SRGAP3: variants seen among roughly 807,000 people sequenced by gnomAD.
SRGAP3 encodes the protein SLIT-ROBO Rho GTPase activating protein 3.
SRGAP3 carries 39 observed loss-of-function variants against 121.1 expected under a neutral mutation model. The ratio of observed to expected loss-of-function variants is 0.32; its 90% CI spans 0.25 to 0.42. The LOEUF (loss-of-function observed/expected upper bound fraction) is 0.42. Ranked by LOEUF, SRGAP3 falls within the 10% of genes least tolerant of loss-of-function variation. The probability of loss-of-function intolerance (pLI) is 1.00; values close to 1 mark genes in which losing one functional copy is unlikely to be tolerated. For synonymous variants in SRGAP3, 601 were observed against 570.0 expected (o/e 1.05, Z -0.77); for missense variants, 1,213 against 1,470.6 (o/e 0.82, Z 2.86).
intron 3 of SRGAP3, among the ~76,000 whole-genome samples, chr3:9,277,192 C>T (rs2125263459): frequency 6.6e-6 from 1 of 152,308 alleles, no homozygotes; most frequent in Non-Finnish European, 1.5e-5. Flanking sequence ...TCATTTAATG[C>T]TCACAAAAAC....
intron 1 of SRGAP3, among the ~76,000 whole-genome samples, chr3:9,211,555 T>C (rs1334665791): frequency 6.6e-6 from 1 of 152,100 alleles, no homozygotes; most frequent in East Asian, 1.9e-4. Context: ...TCTGATAAAA[T>C]AATCTGATTA....
intron 3 of SRGAP3, among the ~76,000 whole-genome samples, chr3:9,086,573 GTA>G (rs1947486177): frequency 6.8e-6 from 1 of 147,884 alleles, no homozygotes; most frequent in South Asian, 2.1e-4. Context: ...ATGTGGGTGT[GTA>G]TATGTGTGTG....
intron 1 of SRGAP3, among the ~76,000 whole-genome samples, chr3:9,229,184 G>T (rs1226060752): frequency 1.3e-5 from 2 of 152,054 alleles, no homozygotes; most frequent in Non-Finnish European, 2.9e-5. Context: ...GGACTAGCTA[G>T]GTTCTACGAT....
chr3:9,344,610 G>A (rs1955851525), intron 1 of SRGAP3, among the ~76,000 whole-genome samples: 1 of 151,340 alleles, frequency 6.6e-6, no homozygotes, highest in Non-Finnish European at 1.5e-5. Context: ...TCCAGCCTAG[G>A]TGACAAAGTC....
At chr3:9,210,343 C>T (rs1952407280) in intron 1 of SRGAP3, among the ~76,000 whole-genome samples, 1 of 152,144 alleles carries the variant, frequency 6.6e-6, no homozygotes, top group Non-Finnish European at 1.5e-5. Flanking sequence ...AATAGAATAG[C>T]CAGGTGTGGT....
chr3:9,352,803 A>G (rs932654279), intron 1 of SRGAP3, among the ~76,000 whole-genome samples: 3 of 152,224 alleles, frequency 2.0e-5, no homozygotes, highest in Admixed American at 6.5e-5. Flanking sequence ...CATCACCTGT[A>G]TAACACGGCT....
chr3:9,013,247 T>C (rs1259151372), intron 17 of SRGAP3, 61 bp downstream of exon 17: 5 of 1,520,382 alleles, frequency 3.3e-6, no homozygotes, highest in Non-Finnish European at 4.5e-6. Flanking sequence ...TTTCTTATTG[T>C]TCCTATTCAA....
At chr3:9,341,683 G>C (rs540532052) in intron 1 of SRGAP3, among the ~76,000 whole-genome samples, 41 of 152,230 alleles carry the variant, frequency 2.7e-4, no homozygotes, top group African/African-American at 9.6e-4. Context: ...TTGCGTTATA[G>C]AGATGGGGCT....
At chr3:9,104,054 A>G (rs1053675743) in intron 3 of SRGAP3, among the ~76,000 whole-genome samples, 1 of 152,250 alleles carries the variant, frequency 6.6e-6, no homozygotes, top group African/African-American at 2.4e-5. Flanking sequence ...AAATAAACTA[A>G]GTGCTCAACA....
At chr3:9,202,939 A>G (rs761396794) in intron 1 of SRGAP3, among the ~76,000 whole-genome samples, 11 of 152,208 alleles carry the variant, frequency 7.2e-5, no homozygotes, top group Non-Finnish European at 1.3e-4. Context: ...GGGAGGGCAT[A>G]AAATTCAGCC....
intron 3 of SRGAP3, among the ~76,000 whole-genome samples, chr3:9,283,006 G>A (rs1306712694): frequency 7.9e-5 from 12 of 151,382 alleles, no homozygotes. Context: ...GCAGGATCTC[G>A]GTTCACTGCA....
rs149345116 is a variant in SRGAP3 at position 9,145,137 on chromosome 3, C to T, written c.68-20220G>A. On this transcript the variant is annotated intron_variant, in intron 1 of 21. Coordinates refer to ENST00000383836, the MANE Select transcript of SRGAP3 (RefSeq NM_014850.4). ...TTCAGACAAGGTCTCACTCCGTCATCCAGGATGGAGTGCAGTGGCGTGATC... is the reference window on the plus strand; with the variant it reads ...TTCAGACAAGGTCTCACTCCGTCATTCAGGATGGAGTGCAGTGGCGTGATC... Among the ~76,000 whole-genome samples the T allele has an allele frequency of 2.4e-3, 364 of 152,218 alleles. 1 individual carries two copies. Among genetic ancestry groups the T allele is most frequent in the African/African-American group, 8.2e-3 (339 of 41,522 alleles).
rs190583687 is a variant in SRGAP3, at chr3:9,341,948, A to G, written n.215-11352T>C. On this transcript the variant is annotated intron_variant and non_coding_transcript_variant, in intron 1 of 3. Transcript: ENST00000490889. The stretch of plus-strand genomic sequence containing the variant: ...CTAACACCCTACAGATCACTGACTC[A>G]TAGAATCATCTTATCCCAAACTGCT... Among the ~76,000 whole-genome samples, 687 of 152,324 alleles carry G rather than the reference A, an allele frequency of 4.5e-3. 4 individuals carry two copies. Among genetic ancestry groups the G allele is most frequent in the Middle Eastern group, 0.024 (7 of 294 alleles).
chr3:9,131,502 G>A (rs1252621828), intron 1 of SRGAP3, among the ~76,000 whole-genome samples: 1 of 144,138 alleles, frequency 6.9e-6, no homozygotes, highest in South Asian at 2.2e-4. Context: ...GCAGTGGTGC[G>A]ATCTCAGCTC....
chr3:9,033,177 A>G (rs1257332194), intron 11 of SRGAP3, among the ~76,000 whole-genome samples: 1 of 152,218 alleles, frequency 6.6e-6, no homozygotes, highest in Non-Finnish European at 1.5e-5. Context: ...GTTTAAATTT[A>G]TCACCAAGTC....
At chr3:9,267,925 C>T (rs1302728614) in intron 3 of SRGAP3, among the ~76,000 whole-genome samples, 1 of 147,808 alleles carries the variant, frequency 6.8e-6, no homozygotes, top group Non-Finnish European at 1.5e-5. Flanking sequence ...AAGATAGCTA[C>T]AGCTATTGCT....
rs552173252 is a variant in SRGAP3 at position 8,998,231 on chromosome 3, C to T, written c.2228-3708G>A. On this transcript the variant is annotated intron_variant, in intron 18 of 21. Transcript: ENST00000383836. ...CTTTTAAAACAGACAAGTGTCTTCC[C>T]TTTACAGGGCCTTTGTACTTCCTAT... Among the ~76,000 whole-genome samples, 6 of 152,354 alleles carry T rather than the reference C, an allele frequency of 3.9e-5. No homozygotes were observed. In the East Asian group the frequency reaches 7.7e-4, roughly 20 times the overall value.
At position 9,348,762 on chromosome 3, in the gene SRGAP3, G is replaced by C. The variant is rs897939401; in HGVS notation, n.214+14078C>G. ...AAAGCAGAAACTGCTGCAAAGCATG[G>C]TGAGGCCCAGGTGAAGATCTGGAGG... On this transcript the variant is annotated intron_variant and non_coding_transcript_variant, in intron 1 of 3. Transcript: ENST00000490889. 116 of 1,360,924 alleles carry C rather than the reference G, an allele frequency of 8.5e-5. No homozygotes were observed. The African/African-American group carries it at 1.6e-3, about 19-fold the overall frequency. The allele number at this position is 1,360,924 out of a possible 1,614,324, so 84.3% of individuals were successfully genotyped here.
chr3:9,007,755 C>T (rs1943153413), intron 18 of SRGAP3: 1 of 152,040 alleles, frequency 6.6e-6, no homozygotes, highest in South Asian at 2.1e-4. Flanking sequence ...GAAATAGAGG[C>T]CAGAGGTGAT....
Sources: allele counts gnomAD v4.1 joint callset (sites outside exome capture counted in the v4.1 genomes callset), GRCh38; gene constraint gnomAD v4.1.1; transcripts MANE v1.5; gene names NCBI Gene and HGNC (gene_info 2026-07-23, HGNC 2026-07-21).